Variants in DSCAM observed in about 807,000 individuals in gnomAD.
DSCAM encodes cell adhesion molecule DSCAM.
DSCAM carries 47 observed loss-of-function variants against 217.7 expected under a neutral mutation model. That is an observed-to-expected ratio of 0.22 (90% CI 0.17 to 0.28). DSCAM has a LOEUF of 0.28. Ranked by LOEUF, DSCAM falls within the 10% of genes least tolerant of loss-of-function variation. The probability of loss-of-function intolerance (pLI) is 1.00; values close to 1 mark genes in which losing one functional copy is unlikely to be tolerated. For missense variants in DSCAM, 2,080 were observed against 2,618.3 expected (o/e 0.79, Z 4.49); for synonymous variants, 1,056 against 1,015.3 (o/e 1.04, Z -0.76).
intron 3 of DSCAM, among the ~76,000 whole-genome samples, chr21:40,672,764 C>T (rs116974933): frequency 0.01 from 1,590 of 152,264 alleles, 15 homozygotes; most frequent in Non-Finnish European, 0.018. Context: ...AAATTCCTTA[C>T]CTGAATCATC....
chr21:40,314,632 T>C (rs2074176448), intron 8 of DSCAM, among the ~76,000 whole-genome samples: 1 of 152,224 alleles, frequency 6.6e-6, no homozygotes, highest in Non-Finnish European at 1.5e-5. Flanking sequence ...ATTGCTATGC[T>C]TTATTAAAGA....
chr21:40,422,988 A>G (rs529813187), intron 3 of DSCAM, among the ~76,000 whole-genome samples: 39 of 152,336 alleles, frequency 2.6e-4, no homozygotes, highest in African/African-American at 4.6e-4. Context: ...GCAGAATCCA[A>G]TGAAATTAGT....
At chr21:40,066,750 T>C (rs1186574884) in intron 27 of DSCAM, among the ~76,000 whole-genome samples, 3 of 152,252 alleles carry the variant, frequency 2.0e-5, no homozygotes, top group African/African-American at 4.8e-5. Flanking sequence ...GCCTCCAAGA[T>C]TGGATTAGCC....
chr21:40,762,267 T>G (rs893536996), intron 1 of DSCAM, among the ~76,000 whole-genome samples: 1 of 148,330 alleles, frequency 6.7e-6, no homozygotes, highest in Non-Finnish European at 1.5e-5. Context: ...AATAAAAAAA[T>G]GATAAAGGGG....
rs76034353 is a variant in DSCAM, at chr21:40,300,725, G to T, written c.2063-4551C>A. On this transcript the variant is annotated intron_variant, in intron 9 of 32. Transcript: ENST00000400454. ...ATTATGAGGCCTGCTCTGTGCCTGC[G>T]CTTCTCAAACATTAGAGGGCATCAG... is the stretch of plus-strand genomic sequence containing the variant. 3.9e-5 allele frequency among the ~76,000 whole-genome samples: 6 copies of T among 152,302 alleles called. No homozygotes were observed. The East Asian group carries it at 1.2e-3, about 29-fold the overall frequency.
At chr21:40,827,551 G>C (rs1324372822) in intron 1 of DSCAM, among the ~76,000 whole-genome samples, 1 of 116,178 alleles carries the variant, frequency 8.6e-6, no homozygotes, top group Non-Finnish European at 1.7e-5. Context: ...CAGCCTCATT[G>C]ACAAAAGCAG....
At chr21:40,138,061 A>T (rs1233477897) in intron 18 of DSCAM, among the ~76,000 whole-genome samples, 1 of 152,254 alleles carries the variant, frequency 6.6e-6, no homozygotes. Flanking sequence ...AAAAAAAATC[A>T]GAAAATTCAT....
intron 3 of DSCAM, among the ~76,000 whole-genome samples, chr21:40,608,419 C>A (rs1025697054): frequency 6.6e-6 from 1 of 152,160 alleles, no homozygotes; most frequent in Non-Finnish European, 1.5e-5. Flanking sequence ...CCATTGTATA[C>A]CAGGTAACAT....
chr21:40,669,025 G>T (rs2090237581), intron 3 of DSCAM, among the ~76,000 whole-genome samples: 1 of 152,136 alleles, frequency 6.6e-6, no homozygotes, highest in Non-Finnish European at 1.5e-5. Context: ...TGAGTGCAGG[G>T]ATTGCGTATT....
At chr21:40,277,805 G>A (rs866078400) in intron 10 of DSCAM, among the ~76,000 whole-genome samples, 2 of 148,658 alleles carry the variant, frequency 1.3e-5, no homozygotes, top group Non-Finnish European at 3.0e-5. Flanking sequence ...GGAGGCAGAG[G>A]ATGCAATGAG....
At chr21:40,409,881 T>C (rs1424991007) in intron 3 of DSCAM, among the ~76,000 whole-genome samples, 3 of 152,182 alleles carry the variant, frequency 2.0e-5, no homozygotes, top group African/African-American at 7.2e-5. Context: ...TCCAACAATA[T>C]TGAAAGAAAA....
chr21:40,326,524 G>A (rs1289824750), intron 8 of DSCAM, among the ~76,000 whole-genome samples: 1 of 152,202 alleles, frequency 6.6e-6, no homozygotes, highest in Non-Finnish European at 1.5e-5. Flanking sequence ...TTAGTCTTTT[G>A]CACGACTGGG....
intron 7 of DSCAM, among the ~76,000 whole-genome samples, chr21:40,338,822 G>A (rs994373924): frequency 1.3e-5 from 2 of 152,168 alleles, no homozygotes; most frequent in African/African-American, 4.8e-5. Flanking sequence ...TACCATGAAT[G>A]TGGAAGAACC....
intron 11 of DSCAM, among the ~76,000 whole-genome samples, chr21:40,272,526 T>C (rs1363444310): frequency 6.6e-6 from 1 of 152,188 alleles, no homozygotes; most frequent in African/African-American, 2.4e-5. Flanking sequence ...TAAAATGCTT[T>C]ATTTTTGGAG....
At chr21:40,519,850 C>T (rs12483068) in intron 3 of DSCAM, among the ~76,000 whole-genome samples, 56 of 151,522 alleles carry the variant, frequency 3.7e-4, no homozygotes, top group Admixed American at 1.1e-3. Context: ...CTCTCTCTCT[C>T]TGTGTGTGTG....
intron 20 of DSCAM, among the ~76,000 whole-genome samples, chr21:40,121,681 CTTTTTTT>C (rs201672838): frequency 4.3e-4 from 32 of 73,742 alleles, no homozygotes; most frequent in African/African-American, 1.0e-3. Context: ...TCATTACTGT[CTTTTTTT>C]TTTTTTTTTT....
At chr21:40,501,351 A>C (rs1373573214) in intron 3 of DSCAM, among the ~76,000 whole-genome samples, 5 of 152,172 alleles carry the variant, frequency 3.3e-5, no homozygotes, top group African/African-American at 1.2e-4. Context: ...CACTAGAGGA[A>C]ATGATGCGTT....
intron 3 of DSCAM, among the ~76,000 whole-genome samples, chr21:40,671,692 C>CGAA (rs2090277209): frequency 9.2e-6 from 1 of 108,984 alleles, no homozygotes; most frequent in African/African-American, 3.6e-5. Flanking sequence ...ATTCCTTAAA[C>CGAA]AAAAAAAAAA....
intron 3 of DSCAM, among the ~76,000 whole-genome samples, chr21:40,456,881 A>G (rs969177006): frequency 6.6e-6 from 1 of 152,218 alleles, no homozygotes; most frequent in African/African-American, 2.4e-5. Flanking sequence ...ACAAAACCAT[A>G]GCAAAGTATT....
Sources: gnomAD v4.1 joint callset for allele counts (sites outside exome capture counted in the v4.1 genomes callset) on GRCh38, gnomAD v4.1.1 for gene constraint, MANE v1.5 for transcripts, NCBI Gene and HGNC (gene_info 2026-07-23, HGNC 2026-07-21) for gene names.